The following MAGI2 variants were observed in gnomAD, a reference collection of about 807,000 sequenced individuals.
MAGI2 encodes membrane associated guanylate kinase, WW and PDZ domain containing 2.
Under a neutral mutation model 133.3 loss-of-function variants are expected in MAGI2, and 35 were observed. The observed-to-expected ratio is 0.26, with a 90% CI of 0.20 to 0.35. The LOEUF (loss-of-function observed/expected upper bound fraction) is 0.35, where lower values mean the gene tolerates loss of function less well. Among genes scored for constraint, MAGI2 ranks in the 10% least tolerant of loss-of-function variants. The pLI is 1.00. For missense variants in MAGI2, 1,636 were observed against 1,863.4 expected (o/e 0.88, Z 2.25); for synonymous variants, 729 against 710.6 (o/e 1.03, Z -0.41).
chr7:78,193,318 C>A (rs1828413573), intron 12 of MAGI2, among the ~76,000 whole-genome samples: 1 of 152,086 alleles, frequency 6.6e-6, no homozygotes, highest in Admixed American at 6.6e-5. Flanking sequence ...CAAAATTAAG[C>A]CAAGGAGGTG....
chr7:79,071,552 C>T (rs113686276), intron 1 of MAGI2, among the ~76,000 whole-genome samples: 92,974 of 152,044 alleles, frequency 0.61, 34,755 homozygotes, highest in Non-Finnish European at 0.83. Flanking sequence ...TGCCCACAGC[C>T]GCCCCTTCCC....
intron 1 of MAGI2, among the ~76,000 whole-genome samples, chr7:79,328,833 C>T (rs73375167): frequency 0.048 from 7,234 of 152,186 alleles, 280 homozygotes; most frequent in African/African-American, 0.11. Flanking sequence ...CTGGTTGGCA[C>T]GTAATTTCTA....
intron 1 of MAGI2, among the ~76,000 whole-genome samples, chr7:79,177,984 C>A (rs1172212264): frequency 6.6e-6 from 1 of 152,078 alleles, no homozygotes; most frequent in Non-Finnish European, 1.5e-5. Flanking sequence ...AAGACTACTT[C>A]TCAAGATATA....
chr7:78,556,390 C>A (rs1799826034), intron 3 of MAGI2, among the ~76,000 whole-genome samples: 1 of 152,174 alleles, frequency 6.6e-6, no homozygotes, highest in South Asian at 2.1e-4. Flanking sequence ...CCTGTTGGCA[C>A]CAACATGGGC....
At chr7:78,891,873 G>A (rs1321675125) in intron 2 of MAGI2, among the ~76,000 whole-genome samples, 1 of 152,128 alleles carries the variant, frequency 6.6e-6, no homozygotes, top group East Asian at 1.9e-4. Flanking sequence ...TGGAAGTTCT[G>A]GCCAGGGCAA....
chr7:79,012,136 T>A (rs1056189398), intron 1 of MAGI2: 1 of 152,070 alleles, frequency 6.6e-6, no homozygotes, highest in Non-Finnish European at 1.5e-5. Context: ...ACTGGCTTCA[T>A]CTTGAAAGCG....
chr7:79,431,467 A>G (rs556210180), intron 1 of MAGI2, among the ~76,000 whole-genome samples: 1 of 152,308 alleles, frequency 6.6e-6, no homozygotes, highest in East Asian at 1.9e-4. Context: ...TTGTTAGGGG[A>G]ATTTTTAAAT....
intron 21 of MAGI2, among the ~76,000 whole-genome samples, chr7:78,025,132 C>A (rs1485071833): frequency 6.6e-6 from 1 of 152,210 alleles, no homozygotes; most frequent in Non-Finnish European, 1.5e-5. Flanking sequence ...TATTCTCCAC[C>A]CACACTGGTC....
At chr7:79,057,881 A>AT (rs569027272) in intron 1 of MAGI2, among the ~76,000 whole-genome samples, 1 of 151,904 alleles carries the variant, frequency 6.6e-6, no homozygotes, top group Non-Finnish European at 1.5e-5. Context: ...CTTCCATTGC[A>AT]TTTTTTGCTA....
chr7:78,584,504 A>C (rs1015854390), intron 3 of MAGI2, among the ~76,000 whole-genome samples: 1 of 152,022 alleles, frequency 6.6e-6, no homozygotes. Context: ...AGAAAGGAAA[A>C]TACTACTTTC....
chr7:78,097,035 A>C (rs1202237085), intron 20 of MAGI2, among the ~76,000 whole-genome samples: 1 of 152,188 alleles, frequency 6.6e-6, no homozygotes. Context: ...AAGAAGACAC[A>C]CATGTGCCCA....
At chr7:79,005,873 C>T (rs1375460889) in intron 2 of MAGI2, among the ~76,000 whole-genome samples, 1 of 152,150 alleles carries the variant, frequency 6.6e-6, no homozygotes, top group Non-Finnish European at 1.5e-5. Context: ...GGTCCAAAAG[C>T]CTATTCACTT....
chr7:78,955,914 T>C (rs1196954800), intron 2 of MAGI2, among the ~76,000 whole-genome samples: 2 of 152,036 alleles, frequency 1.3e-5, no homozygotes, highest in African/African-American at 4.8e-5. Context: ...GTTCACTTTA[T>C]AATATCTAGA....
intron 21 of MAGI2, among the ~76,000 whole-genome samples, chr7:78,048,977 G>A (rs920041539): frequency 1.2e-4 from 18 of 151,650 alleles, no homozygotes; most frequent in African/African-American, 2.9e-4. Context: ...GCGTGGTGGC[G>A]TGCGCCTGTA....
chr7:78,418,774 C>T lies in MAGI2; in HGVS notation c.1046-49561G>A, dbSNP rs117083918. ...GGGCAAATATAGCCATTTCACAATG[C>T]TGTAGGGGGTTAATGAGATGCTATA... is the stretch of plus-strand genomic sequence containing the variant. On this transcript the variant is annotated intron_variant, in intron 6 of 21. Coordinates refer to ENST00000354212, the MANE Select transcript of MAGI2 (RefSeq NM_012301.4). Among the ~76,000 whole-genome samples the T allele has an allele frequency of 3.7e-3, 559 of 152,182 alleles. 9 individuals carry two copies. The highest frequency in any genetic ancestry group is 6.2e-3 in the Admixed American group (95 of 15,266).
At chr7:79,404,410 A>T (rs1481041941) in intron 1 of MAGI2, among the ~76,000 whole-genome samples, 1 of 152,102 alleles carries the variant, frequency 6.6e-6, no homozygotes, top group African/African-American at 2.4e-5. Context: ...ATCATAGGTC[A>T]CTGCAGCCTT....
chr7:78,782,881 T>A (rs1398047371), intron 2 of MAGI2, among the ~76,000 whole-genome samples: 1 of 152,166 alleles, frequency 6.6e-6, no homozygotes, highest in East Asian at 1.9e-4. Flanking sequence ...TGTGCATCTC[T>A]CAGACTTCTT....
chr7:79,425,807 A>G (rs980464336), intron 1 of MAGI2, among the ~76,000 whole-genome samples: 3 of 151,892 alleles, frequency 2.0e-5, no homozygotes, highest in Admixed American at 2.0e-4. Flanking sequence ...AAAGAGGGGG[A>G]GAAAGACAAA....
chr7:78,065,479 C>G (rs2151147197), intron 21 of MAGI2: 1 of 574,198 alleles, frequency 1.7e-6, no homozygotes, highest in East Asian at 2.9e-5. Context: ...ATTAGACAAG[C>G]TACTATGAAA....
Sources: gnomAD v4.1 joint callset for allele counts (sites outside exome capture counted in the v4.1 genomes callset) on GRCh38, gnomAD v4.1.1 for gene constraint, MANE v1.5 for transcripts, NCBI Gene and HGNC (gene_info 2026-07-23, HGNC 2026-07-21) for gene names.